Variants in PDE4B observed in about 807,000 individuals in gnomAD.
PDE4B encodes the protein 3',5'-cyclic-AMP phosphodiesterase 4B.
Under a neutral mutation model 82.2 loss-of-function variants are expected in PDE4B, and 20 were observed. That is an observed-to-expected ratio of 0.24 (90% CI 0.17 to 0.35). The LOEUF is 0.35. Among genes scored for constraint, PDE4B ranks in the 10% least tolerant of loss-of-function variants. The pLI, the probability that PDE4B is intolerant of heterozygous loss-of-function variation, is 1.00. For synonymous variants in PDE4B, 320 were observed against 318.9 expected (o/e 1.00, Z -0.04); for missense variants, 655 against 907.2 (o/e 0.72, Z 3.57).
chr1:65,829,022 G>C (rs966105549), intron 1 of PDE4B, among the ~76,000 whole-genome samples: 5 of 151,930 alleles, frequency 3.3e-5, no homozygotes, highest in African/African-American at 4.8e-5. Context: ...TTTCAGATAG[G>C]ATAAAATAAC....
At chr1:66,311,162 C>A (rs1221110113) in intron 7 of PDE4B, among the ~76,000 whole-genome samples, 1 of 152,086 alleles carries the variant, frequency 6.6e-6, no homozygotes, top group Non-Finnish European at 1.5e-5. Context: ...CAGCTGAGCG[C>A]CAACCTAAAA....
At chr1:65,987,557 C>T (rs1251133412) in intron 3 of PDE4B, among the ~76,000 whole-genome samples, 1 of 152,032 alleles carries the variant, frequency 6.6e-6, no homozygotes. Flanking sequence ...AGTGGAAAGA[C>T]CTGGTTTTGA....
chr1:66,024,691 AT>A (rs939618396), intron 3 of PDE4B, among the ~76,000 whole-genome samples: 6 of 152,142 alleles, frequency 3.9e-5, no homozygotes, highest in East Asian at 3.9e-4. Context: ...TTCTTAATAC[AT>A]TTTTTTGGAT....
At chr1:66,036,892 TG>T in intron 3 of PDE4B, among the ~76,000 whole-genome samples, 1 of 152,162 alleles carries the variant, frequency 6.6e-6, no homozygotes. Flanking sequence ...CCCAACACTT[TG>T]GGGGGCCAAC....
At chr1:66,351,889 AT>A (rs999359589) in intron 8 of PDE4B, among the ~76,000 whole-genome samples, 29 of 152,074 alleles carry the variant, frequency 1.9e-4, no homozygotes, top group Admixed American at 1.6e-3. Flanking sequence ...TATCTATTCT[AT>A]TTCTTAATGT....
chr1:65,795,965 A>T (rs1570941773), intron 1 of PDE4B, among the ~76,000 whole-genome samples: 1 of 152,224 alleles, frequency 6.6e-6, no homozygotes, highest in South Asian at 2.1e-4. Flanking sequence ...ATCAAATATG[A>T]TATAGAAGAT....
At chr1:65,988,186 A>T (rs1345511914) in intron 3 of PDE4B, among the ~76,000 whole-genome samples, 2 of 152,254 alleles carry the variant, frequency 1.3e-5, no homozygotes, top group Non-Finnish European at 2.9e-5. Context: ...AGGAATGCAA[A>T]AAATGTAAGT....
At position 66,141,363 on chromosome 1, in the gene PDE4B, T is replaced by TATATATAC. The variant is rs1312933724; in HGVS notation, c.282-106093_282-106092insATACATAT. ...ATATATATATATATATATATATATA[T>TATATATAC]ATATGAAGAAACTTACTTTAAACTA... On this transcript the variant is annotated intron_variant, in intron 3 of 16. Transcript: ENST00000341517. Among the ~76,000 whole-genome samples, 4 of 134,296 alleles carry TATATATAC rather than the reference T, an allele frequency of 3.0e-5. No homozygotes were observed. The South Asian group carries it at 7.0e-4, about 24-fold the overall frequency. The allele number at this position is 134,296 out of a possible 152,430, so 88.1% of individuals were successfully genotyped here.
chr1:66,260,951 T>C (rs532122824), intron 6 of PDE4B, among the ~76,000 whole-genome samples: 54 of 152,294 alleles, frequency 3.5e-4, no homozygotes, highest in Admixed American at 6.5e-4. Context: ...AGTGGTAAGA[T>C]AGTTGTATCT....
chr1:65,806,593 C>T (rs6657878), intron 1 of PDE4B, among the ~76,000 whole-genome samples: 2,346 of 152,274 alleles, frequency 0.015, 28 homozygotes, highest in East Asian at 0.042. Context: ...CTGTGTTTAT[C>T]CATGCAGTTC....
At chr1:65,965,363 G>A (rs549493391) in intron 3 of PDE4B, among the ~76,000 whole-genome samples, 23 of 152,150 alleles carry the variant, frequency 1.5e-4, no homozygotes, top group African/African-American at 5.1e-4. Context: ...TATTCTCAAA[G>A]GGTTACAAAG....
intron 1 of PDE4B, among the ~76,000 whole-genome samples, chr1:65,869,635 T>C (rs6588169): frequency 0.14 from 21,951 of 152,168 alleles, 1,894 homozygotes; most frequent in South Asian, 0.21. Context: ...CCACTCTGTT[T>C]TTCTGAGAGG....
At chr1:66,364,460 T>C (rs1036856922) in intron 12 of PDE4B, among the ~76,000 whole-genome samples, 1 of 152,196 alleles carries the variant, frequency 6.6e-6, no homozygotes, top group Non-Finnish European at 1.5e-5. Context: ...GGTCATACTC[T>C]TACTTGACAA....
At chr1:66,011,834 A>G (rs1224706354) in intron 3 of PDE4B, among the ~76,000 whole-genome samples, 1 of 152,104 alleles carries the variant, frequency 6.6e-6, no homozygotes, top group Non-Finnish European at 1.5e-5. Context: ...GACAATTAGG[A>G]TATTTCTAAA....
chr1:66,215,198 G>GCA (rs1557639496), intron 3 of PDE4B, among the ~76,000 whole-genome samples: 3 of 152,096 alleles, frequency 2.0e-5, no homozygotes, highest in African/African-American at 7.3e-5. Context: ...GCAGGTCATA[G>GCA]GCAACAAGCC....
At chr1:65,843,031 G>A (rs772157475) in intron 1 of PDE4B, among the ~76,000 whole-genome samples, 2 of 152,144 alleles carry the variant, frequency 1.3e-5, no homozygotes, top group Non-Finnish European at 2.9e-5. Context: ...ACTATCAAAT[G>A]TGTAGGATGT....
intron 3 of PDE4B, among the ~76,000 whole-genome samples, chr1:66,105,716 T>G (rs1645336359): frequency 6.6e-6 from 1 of 152,096 alleles, no homozygotes; most frequent in South Asian, 2.1e-4. Flanking sequence ...TGAATGGGAG[T>G]TCACTCATGA....
At chr1:65,996,323 T>C (rs1253600152) in intron 3 of PDE4B, among the ~76,000 whole-genome samples, 2 of 151,360 alleles carry the variant, frequency 1.3e-5, no homozygotes, top group African/African-American at 4.8e-5. Context: ...ATGATTTATC[T>C]ATATTATTTA....
At chr1:66,244,575 G>T (rs958951552) in intron 3 of PDE4B, among the ~76,000 whole-genome samples, 2 of 152,224 alleles carry the variant, frequency 1.3e-5, no homozygotes, top group East Asian at 1.9e-4. Flanking sequence ...TCTGTGGGAC[G>T]TATTGTGATG....
Sources: allele counts gnomAD v4.1 joint callset (sites outside exome capture counted in the v4.1 genomes callset), GRCh38; gene constraint gnomAD v4.1.1; transcripts MANE v1.5; gene names NCBI Gene and HGNC (gene_info 2026-07-23, HGNC 2026-07-21).